Variants in DLGAP1 observed in about 807,000 individuals in gnomAD.
DLGAP1 encodes DLG associated protein 1.
In DLGAP1, 11 loss-of-function variants were observed where a neutral mutation model predicts 90.8. The observed-to-expected ratio is 0.12, with a 90% CI of 0.08 to 0.20. DLGAP1 has a LOEUF of 0.20. DLGAP1 is among the 10% of genes least tolerant of loss of function. DLGAP1 has a pLI of 1.00. For missense variants in DLGAP1, 1,050 were observed against 1,333.8 expected, an observed-to-expected ratio of 0.79 and a Z score of 3.31; for synonymous variants, 558 against 540.7, an observed-to-expected ratio of 1.03 and a Z score of -0.44.
intron 1 of DLGAP1, among the ~76,000 whole-genome samples, chr18:4,299,477 A>G (rs1432155821): frequency 4.6e-5 from 7 of 152,240 alleles, no homozygotes; most frequent in African/African-American, 1.7e-4. Flanking sequence ...TTCAAATACT[A>G]TATTACTTGG....
At chr18:3,960,240 C>G (rs757557064) in intron 3 of DLGAP1, among the ~76,000 whole-genome samples, 5 of 152,214 alleles carry the variant, frequency 3.3e-5, no homozygotes, top group Non-Finnish European at 7.3e-5. Context: ...TTGCTGACTC[C>G]TTGCTGCTTC....
chr18:4,097,480 C>A (rs528452146), intron 2 of DLGAP1, among the ~76,000 whole-genome samples: 4 of 152,240 alleles, frequency 2.6e-5, no homozygotes, highest in Non-Finnish European at 5.9e-5. Flanking sequence ...TAGCTTCCTG[C>A]AATGTGGATG....
intron 7 of DLGAP1, among the ~76,000 whole-genome samples, chr18:3,648,989 AT>A (rs1016015375): frequency 5.9e-5 from 9 of 152,200 alleles, no homozygotes; most frequent in African/African-American, 1.7e-4. Flanking sequence ...TTCAGCACAG[AT>A]TTGATTAGTT....
At chr18:3,872,111 A>T (rs1179987195) in intron 4 of DLGAP1, among the ~76,000 whole-genome samples, 1 of 152,074 alleles carries the variant, frequency 6.6e-6, no homozygotes, top group African/African-American at 2.4e-5. Flanking sequence ...GCATATTGCT[A>T]GACTTTAGCA....
rs1327819068 is a variant in DLGAP1 at position 3,499,039 on chromosome 18, C to T, written c.*146G>A. The T allele has an allele frequency of 1.0e-5, 7 of 699,732 alleles. No homozygotes were observed. The highest frequency in any genetic ancestry group is 1.3e-5 in the Non-Finnish European group (6 of 446,178). 43.3% of individuals were successfully genotyped at this position (699,732 alleles called of 1,614,324 possible). A position where few individuals can be genotyped will look rare whatever the true frequency, so the allele number is the denominator to read the frequency against. ...GCTGAGGGGGGCCCGGGGGGCGGCT[C>T]CTGCGAGGTGGACAACTACACCGCG... is the stretch of plus-strand genomic sequence containing the variant. On this transcript the variant is annotated 3_prime_UTR_variant, in exon 13 of 13. Transcript: ENST00000315677. The surrounding 1 kb of genome is among the most constrained non-coding windows in gnomAD (Gnocchi z 6.4).
At chr18:4,338,152 C>G (rs1268913371) in intron 1 of DLGAP1, among the ~76,000 whole-genome samples, 1 of 152,130 alleles carries the variant, frequency 6.6e-6, no homozygotes, top group African/African-American at 2.4e-5. Flanking sequence ...AACTGTACAT[C>G]TATTTTCCAC....
intron 1 of DLGAP1, among the ~76,000 whole-genome samples, chr18:4,437,462 T>G: frequency 6.6e-6 from 1 of 152,202 alleles, no homozygotes; most frequent in East Asian, 1.9e-4. Context: ...TGCATATAAC[T>G]TACACTTTAA....
intron 1 of DLGAP1, among the ~76,000 whole-genome samples, chr18:4,381,933 C>T (rs145036946): frequency 2.8e-4 from 42 of 152,182 alleles, no homozygotes; most frequent in Middle Eastern, 6.8e-3. Flanking sequence ...ACGTCTTACA[C>T]GGCGGCAGAC....
intron 7 of DLGAP1, among the ~76,000 whole-genome samples, chr18:3,592,874 GAAAGAAAGAAAAAGAAAAAGAAAAAGAA>G (rs2056344704): frequency 2.0e-5 from 1 of 49,610 alleles, no homozygotes; most frequent in Non-Finnish European, 4.0e-5. Flanking sequence ...AAAAGAAAAA[GAAAGAAAGAAAAAGAAAAAGAAAAAGAA>G]AAAGAAAAAA....
At chr18:3,601,683 A>G (rs546197408) in intron 7 of DLGAP1, among the ~76,000 whole-genome samples, 2 of 152,008 alleles carry the variant, frequency 1.3e-5, no homozygotes, top group African/African-American at 4.8e-5. Context: ...TCTCTACCAA[A>G]AATACAAATA....
At chr18:3,606,880 C>T (rs1250823158) in intron 7 of DLGAP1, 4 of 152,222 alleles carry the variant, frequency 2.6e-5, no homozygotes, top group Non-Finnish European at 5.9e-5. Flanking sequence ...TCTTGTTTCC[C>T]AGGCTGGAGT....
At chr18:3,546,223 G>A (rs7236983) in intron 9 of DLGAP1, among the ~76,000 whole-genome samples, 27,016 of 151,952 alleles carry the variant, frequency 0.18, 2,596 homozygotes, top group East Asian at 0.27. Flanking sequence ...AGGAGTTTGA[G>A]ACCAGTCTGG....
chr18:4,269,468 C>T (rs1049702582), intron 1 of DLGAP1, among the ~76,000 whole-genome samples: 1 of 151,548 alleles, frequency 6.6e-6, no homozygotes, highest in African/African-American at 2.4e-5. Flanking sequence ...ATTCTCCTGC[C>T]TCAGCCTCCC....
intron 7 of DLGAP1, among the ~76,000 whole-genome samples, chr18:3,705,328 T>G (rs1359357843): frequency 1.3e-5 from 2 of 151,354 alleles, no homozygotes; most frequent in African/African-American, 4.9e-5. Context: ...TCCAGGAAAC[T>G]TCAGGGGGTT....
intron 1 of DLGAP1, among the ~76,000 whole-genome samples, chr18:4,229,429 C>T (rs1598670793): frequency 6.6e-6 from 1 of 152,032 alleles, no homozygotes; most frequent in Non-Finnish European, 1.5e-5. Context: ...TCAAATTATA[C>T]TGCAGAGCTA....
At chr18:3,903,438 G>A (rs1772167627) in intron 3 of DLGAP1, among the ~76,000 whole-genome samples, 1 of 152,198 alleles carries the variant, frequency 6.6e-6, no homozygotes, top group African/African-American at 2.4e-5. Flanking sequence ...GGAAAATTGA[G>A]ATAACATTAC....
chr18:3,869,773 G>A (rs1198717370), intron 4 of DLGAP1, among the ~76,000 whole-genome samples: 1 of 152,054 alleles, frequency 6.6e-6, no homozygotes, highest in Non-Finnish European at 1.5e-5. Flanking sequence ...GAAATACAAA[G>A]GAAAAAGTGG....
chr18:3,998,798 C>T (rs1409619159), intron 3 of DLGAP1, among the ~76,000 whole-genome samples: 1 of 152,058 alleles, frequency 6.6e-6, no homozygotes, highest in Non-Finnish European at 1.5e-5. Context: ...AAGACTACCA[C>T]TAGCAAAATG....
At chr18:3,604,859 T>C (rs2145812788) in intron 7 of DLGAP1, among the ~76,000 whole-genome samples, 1 of 152,336 alleles carries the variant, frequency 6.6e-6, no homozygotes, top group African/African-American at 2.4e-5. Context: ...GCGTACATCC[T>C]GTGTAGAAAA....
Sources: gnomAD v4.1 joint callset for allele counts (sites outside exome capture counted in the v4.1 genomes callset) on GRCh38, gnomAD v4.1.1 for gene constraint, Gnocchi (gnomAD v3.1) non-coding constraint, MANE v1.5 for transcripts, NCBI Gene and HGNC (gene_info 2026-07-23, HGNC 2026-07-21) for gene names.